The following FANCL variants were observed in gnomAD, a reference collection of about 807,000 sequenced individuals.
FANCL encodes the protein FA complementation group L, also known as E3 ubiquitin-protein ligase FANCL.
FANCL carries 69 observed loss-of-function variants against 59.4 expected under a neutral mutation model. That is an observed-to-expected ratio of 1.16 (90% CI 0.96 to 1.42). The LOEUF is 1.42. FANCL is among the 40% of genes most tolerant of loss of function. The pLI, the probability that FANCL is intolerant of heterozygous loss-of-function variation, is 0.00. For synonymous variants in FANCL, 180 were observed against 147.1 expected, an observed-to-expected ratio of 1.22 and a Z score of -1.62; for missense variants, 519 against 447.2, an observed-to-expected ratio of 1.16 and a Z score of -1.45.
At chr2:58,209,271 G>A (rs1478242429) in intron 5 of FANCL, among the ~76,000 whole-genome samples, 1 of 152,266 alleles carries the variant, frequency 6.6e-6, no homozygotes, top group African/African-American at 2.4e-5. Context: ...AGAGGATGTT[G>A]TCAGACTGGT....
At chr2:58,186,776 G>A (rs1655256702) in intron 7 of FANCL, among the ~76,000 whole-genome samples, 1 of 152,188 alleles carries the variant, frequency 6.6e-6, no homozygotes, top group Non-Finnish European at 1.5e-5. Context: ...CGGAACCGCA[G>A]TGAATTGTTT....
intron 7 of FANCL, among the ~76,000 whole-genome samples, chr2:58,190,861 T>C (rs1473308123): frequency 2.6e-5 from 4 of 151,932 alleles, no homozygotes; most frequent in African/African-American, 9.7e-5. Context: ...GCTTCTAAAA[T>C]TCAACTTTTA....
chr2:58,217,610 C>T (rs1242523523), intron 5 of FANCL, among the ~76,000 whole-genome samples: 2 of 151,528 alleles, frequency 1.3e-5, no homozygotes, highest in Admixed American at 1.3e-4. Context: ...GAAACATGTC[C>T]TAATAACAAA....
At chr2:58,237,638 C>A (rs999909526) in intron 1 of FANCL, among the ~76,000 whole-genome samples, 2 of 151,734 alleles carry the variant, frequency 1.3e-5, no homozygotes, top group Non-Finnish European at 2.9e-5. Context: ...TTGAAGAAAT[C>A]AGTAAAATTT....
intron 8 of FANCL, 112 bp from the exon 9 acceptor site, chr2:58,163,629 A>G (rs1293047698): frequency 2.9e-6 from 2 of 686,478 alleles, no homozygotes; most frequent in African/African-American, 3.6e-5. Context: ...ACCCACGGAA[A>G]GATTAACCAA....
chr2:58,232,510 A>G (rs1278374099), intron 1 of FANCL, among the ~76,000 whole-genome samples: 5 of 152,194 alleles, frequency 3.3e-5, no homozygotes, highest in Admixed American at 2.0e-4. Flanking sequence ...ACATCACAAT[A>G]TAAAATAAGG....
intron 5 of FANCL, among the ~76,000 whole-genome samples, chr2:58,221,017 T>C (rs565469067): frequency 3.3e-5 from 5 of 151,088 alleles, no homozygotes; most frequent in African/African-American, 7.3e-5. Context: ...TCGAGACCGA[T>C]CCTGGCTAAC....
At chr2:58,203,433 G>GCAAA (rs1256427416) in intron 6 of FANCL, among the ~76,000 whole-genome samples, 1 of 151,694 alleles carries the variant, frequency 6.6e-6, no homozygotes, top group Non-Finnish European at 1.5e-5. Flanking sequence ...GGACATCCTG[G>GCAAA]TTTTCTTCAA....
At chr2:58,176,398 A>G (rs1327458449) in intron 7 of FANCL, among the ~76,000 whole-genome samples, 2 of 151,640 alleles carry the variant, frequency 1.3e-5, no homozygotes, top group East Asian at 1.9e-4. Context: ...GGCTACAGTA[A>G]CCAAAACAGC....
chr2:58,179,523 G>A lies in FANCL; in HGVS notation c.541-13649C>T, dbSNP rs1007665046. On this transcript the variant is annotated intron_variant, in intron 7 of 13. Transcript: ENST00000233741. Reference sequence around the variant, plus strand: ...TTATTAAACGGTGTTGGGAAAACTGGCTAGCCATATGCAGAAAACTCAAAC... The same window carrying A: ...TTATTAAACGGTGTTGGGAAAACTGACTAGCCATATGCAGAAAACTCAAAC... Among the ~76,000 whole-genome samples, 10 of 152,254 alleles carry A rather than the reference G, an allele frequency of 6.6e-5. No homozygotes were observed. The East Asian group carries it at 1.7e-3, about 26-fold the overall frequency.
chr2:58,192,957 C>T (rs1173158835), intron 7 of FANCL, among the ~76,000 whole-genome samples: 1 of 151,614 alleles, frequency 6.6e-6, no homozygotes, highest in African/African-American at 2.4e-5. Context: ...AATAGCTTGC[C>T]CACATCCTGA....
intron 5 of FANCL, among the ~76,000 whole-genome samples, chr2:58,206,706 G>A (rs1447753863): frequency 6.6e-6 from 1 of 152,084 alleles, no homozygotes; most frequent in Non-Finnish European, 1.5e-5. Flanking sequence ...AAAGTGCCAC[G>A]CTCAAAAATA....
chr2:58,177,876 A>C (rs1486980965), intron 7 of FANCL, among the ~76,000 whole-genome samples: 5 of 152,028 alleles, frequency 3.3e-5, no homozygotes, highest in Non-Finnish European at 7.4e-5. Context: ...AGAAGAATCA[A>C]ATAGACACAA....
At chr2:58,216,542 A>G (rs1210975524) in intron 5 of FANCL, among the ~76,000 whole-genome samples, 2 of 152,174 alleles carry the variant, frequency 1.3e-5, no homozygotes, top group Non-Finnish European at 2.9e-5. Flanking sequence ...TACCTTATTG[A>G]GCAGAGACAA....
At chr2:58,172,596 T>C (rs529050391) in intron 7 of FANCL, among the ~76,000 whole-genome samples, 2 of 151,940 alleles carry the variant, frequency 1.3e-5, no homozygotes, top group South Asian at 4.2e-4. Flanking sequence ...TGAGGGTCTG[T>C]GTGTTAACAG....
intron 7 of FANCL, among the ~76,000 whole-genome samples, chr2:58,174,361 G>A (rs554594189): frequency 5.3e-5 from 8 of 152,136 alleles, no homozygotes; most frequent in African/African-American, 1.9e-4. Context: ...CACCACACCT[G>A]TTCCAAAATC....
chr2:58,194,351 C>G (rs1026879123), intron 7 of FANCL: 6 of 468,362 alleles, frequency 1.3e-5, no homozygotes, highest in African/African-American at 1.2e-4. Flanking sequence ...ATTCTACAGT[C>G]TCAGTCAAGA....
chr2:58,188,813 T>C (rs577422116), intron 7 of FANCL, among the ~76,000 whole-genome samples: 7 of 151,424 alleles, frequency 4.6e-5, no homozygotes, highest in South Asian at 2.1e-4. Context: ...TGCGAATGCA[T>C]TGAATCTCTA....
At chr2:58,194,238 C>T (rs1001636227) in intron 7 of FANCL, 5 of 470,922 alleles carry the variant, frequency 1.1e-5, no homozygotes, top group African/African-American at 1.0e-4. Context: ...CAGGCAAAAC[C>T]GCAATTTTCA....
Sources: allele counts gnomAD v4.1 joint callset (sites outside exome capture counted in the v4.1 genomes callset), GRCh38; gene constraint gnomAD v4.1.1; transcripts MANE v1.5; gene names NCBI Gene and HGNC (gene_info 2026-07-23, HGNC 2026-07-21).